The following NALF1 variants were observed in gnomAD, a reference collection of about 807,000 sequenced individuals.
NALF1 encodes the protein NALCN channel auxiliary factor 1, also known as family with sequence similarity 155 member A.
Under a neutral mutation model 48.4 loss-of-function variants are expected in NALF1, and 3 were observed. The ratio of observed to expected loss-of-function variants is 0.06; its 90% CI spans 0.03 to 0.16. NALF1 has a LOEUF of 0.16. Among genes scored for constraint, NALF1 ranks in the 10% least tolerant of loss-of-function variants. NALF1 has a pLI of 1.00. For synonymous variants in NALF1, 262 were observed against 245.7 expected, an observed-to-expected ratio of 1.07 and a Z score of -0.62; for missense variants, 526 against 571.5, an observed-to-expected ratio of 0.92 and a Z score of 0.81.
intron 1 of NALF1, among the ~76,000 whole-genome samples, chr13:107,353,990 T>C (rs758187554): frequency 3.9e-5 from 6 of 152,316 alleles, no homozygotes; most frequent in Middle Eastern, 6.8e-3. Context: ...CATAACAACC[T>C]CAAACTAGAT....
chr13:107,643,963 T>C (rs762796165), intron 1 of NALF1, among the ~76,000 whole-genome samples: 22 of 47,382 alleles, frequency 4.6e-4, no homozygotes, highest in Non-Finnish European at 6.6e-4. Context: ...TTTCAGATGA[T>C]TTTTTTTTTT....
chr13:107,220,927 A>C (rs1386224837), intron 1 of NALF1, among the ~76,000 whole-genome samples: 2 of 152,038 alleles, frequency 1.3e-5, no homozygotes, highest in Non-Finnish European at 2.9e-5. Context: ...GAAGGAGATA[A>C]TGAAATGTAT....
At chr13:107,704,587 G>GTGTGGATT (rs1881903282) in intron 1 of NALF1, among the ~76,000 whole-genome samples, 1 of 152,042 alleles carries the variant, frequency 6.6e-6, no homozygotes, top group African/African-American at 2.4e-5. Context: ...GTTTTATACA[G>GTGTGGATT]TGTGGATTCT....
intron 1 of NALF1, among the ~76,000 whole-genome samples, chr13:107,397,852 T>C (rs1883738285): frequency 6.6e-6 from 1 of 152,168 alleles, no homozygotes; most frequent in Non-Finnish European, 1.5e-5. Flanking sequence ...ATATAGAAAA[T>C]TCTTACATCC....
At chr13:107,173,769 A>G (rs979173359) in intron 2 of NALF1, among the ~76,000 whole-genome samples, 1 of 152,220 alleles carries the variant, frequency 6.6e-6, no homozygotes, top group African/African-American at 2.4e-5. Flanking sequence ...TCTACCTCAT[A>G]TTTAATTGAT....
At chr13:107,663,796 C>A (rs1880787284) in intron 1 of NALF1, among the ~76,000 whole-genome samples, 1 of 152,114 alleles carries the variant, frequency 6.6e-6, no homozygotes, top group Admixed American at 6.5e-5. Flanking sequence ...CTTCTTATTT[C>A]ATGCACTTTC....
At chr13:107,723,822 A>AT (rs1460100824) in intron 1 of NALF1, among the ~76,000 whole-genome samples, 12 of 152,188 alleles carry the variant, frequency 7.9e-5, no homozygotes, top group Admixed American at 5.9e-4. Flanking sequence ...CTTTTACCTA[A>AT]TTTTTTCTAG....
chr13:107,224,883 G>C (rs2138818906), intron 1 of NALF1, among the ~76,000 whole-genome samples: 1 of 152,272 alleles, frequency 6.6e-6, no homozygotes, highest in Middle Eastern at 3.4e-3. Flanking sequence ...TATTTTTAAT[G>C]ATTCCTCACT....
intron 1 of NALF1, among the ~76,000 whole-genome samples, chr13:107,634,857 G>C (rs1345233779): frequency 6.6e-6 from 1 of 152,046 alleles, no homozygotes; most frequent in Non-Finnish European, 1.5e-5. Flanking sequence ...GTCTACAATG[G>C]GAACTGGATA....
At chr13:107,222,381 C>T (rs1003836111) in intron 1 of NALF1, among the ~76,000 whole-genome samples, 16 of 152,114 alleles carry the variant, frequency 1.1e-4, no homozygotes, top group Non-Finnish European at 1.6e-4. Flanking sequence ...AGATTTTTAG[C>T]ATATTTCCCT....
At chr13:107,312,030 T>C (rs958357968) in intron 1 of NALF1, among the ~76,000 whole-genome samples, 3 of 152,336 alleles carry the variant, frequency 2.0e-5, no homozygotes, top group African/African-American at 7.2e-5. Flanking sequence ...CTCAGGGATC[T>C]AGAACTAGAA....
intron 1 of NALF1, among the ~76,000 whole-genome samples, chr13:107,297,028 AT>A: frequency 6.6e-6 from 1 of 151,902 alleles, no homozygotes; most frequent in South Asian, 2.1e-4. Flanking sequence ...TTATTTTATT[AT>A]TTATTTATTT....
intron 1 of NALF1, among the ~76,000 whole-genome samples, chr13:107,507,686 G>A (rs1275114497): frequency 1.3e-5 from 2 of 149,208 alleles, no homozygotes; most frequent in Admixed American, 6.8e-5. Flanking sequence ...CCAAAATCAG[G>A]CCTTTTGGTT....
intron 2 of NALF1, among the ~76,000 whole-genome samples, chr13:107,187,062 T>C (rs9558966): frequency 0.071 from 10,767 of 152,260 alleles, 373 homozygotes; most frequent in East Asian, 0.12. Context: ...GGCTGAGTGC[T>C]TCTCATGCTT....
chr13:107,368,321 T>TTC (rs1883187547), intron 1 of NALF1, among the ~76,000 whole-genome samples: 1 of 20,414 alleles, frequency 4.9e-5, no homozygotes. Context: ...ACATAAATAC[T>TTC]TTTTTTTTTT....
chr13:107,503,711 G>A (rs1024885267), intron 1 of NALF1, among the ~76,000 whole-genome samples: 10 of 151,068 alleles, frequency 6.6e-5, no homozygotes, highest in African/African-American at 2.2e-4. Flanking sequence ...ATGTCCATCC[G>A]TGGGCAAATG....
chr13:107,460,935 A>C (rs1488725036), intron 1 of NALF1, among the ~76,000 whole-genome samples: 1 of 152,206 alleles, frequency 6.6e-6, no homozygotes, highest in Non-Finnish European at 1.5e-5. Flanking sequence ...CTTTAACATC[A>C]TCATGTTTTT....
chr13:107,572,542 C>T (rs1293727118), intron 1 of NALF1, among the ~76,000 whole-genome samples: 1 of 152,058 alleles, frequency 6.6e-6, no homozygotes, highest in Non-Finnish European at 1.5e-5. Context: ...CCCTTTGTGC[C>T]GATCCAGGAT....
At chr13:107,240,162 G>A (rs537551313) in intron 1 of NALF1, among the ~76,000 whole-genome samples, 45 of 152,286 alleles carry the variant, frequency 3.0e-4, no homozygotes, top group African/African-American at 1.1e-3. Flanking sequence ...GAATGTGCCT[G>A]TGTTTGGAGA....
Sources: allele counts gnomAD v4.1 joint callset (sites outside exome capture counted in the v4.1 genomes callset), GRCh38; gene constraint gnomAD v4.1.1; transcripts MANE v1.5; gene names NCBI Gene and HGNC (gene_info 2026-07-23, HGNC 2026-07-21).